The following C4orf36 variants were observed in gnomAD, a reference collection of about 807,000 sequenced individuals.
The protein encoded by C4orf36 is uncharacterized protein C4orf36.
In C4orf36, 11 loss-of-function variants were observed where a neutral mutation model predicts 12.2. That is an observed-to-expected ratio of 0.90 (90% confidence interval 0.57 to 1.49). The LOEUF (loss-of-function observed/expected upper bound fraction) is 1.49. Among genes scored for constraint, C4orf36 ranks in the 40% most tolerant of loss-of-function variants. The pLI is 0.00. For missense variants in C4orf36, 137 were observed against 133.9 expected (o/e 1.02, Z -0.11); for synonymous variants, 54 against 51.3 (o/e 1.05, Z -0.22).
At chr4:86,927,349 TTTTG>T in the C4orf36 span, among the ~76,000 whole-genome samples, 4 of 151,848 alleles carry the variant, frequency 2.6e-5, no homozygotes, top group Non-Finnish European at 5.9e-5. Flanking sequence ...GTGTTTTTGT[TTTTG>T]TTTTTGTTTT....
intron 1 of C4orf36, 136 bp from the exon 2 acceptor site, chr4:86,891,729 TTC>T (rs1747424928): frequency 1.2e-6 from 1 of 825,556 alleles, no homozygotes; most frequent in Non-Finnish European, 1.7e-6. Context: ...TAAAACCGTG[TTC>T]TCTTTCATTT....
Position 86,888,287 on chromosome 4 carries a change from A to T in C4orf36, c.66-12T>A. 9.9e-6 allele frequency: 16 copies of T among 1,611,616 alleles called. No homozygotes were observed. Among genetic ancestry groups the T allele is most frequent in the Non-Finnish European group, 1.4e-5 (16 of 1,178,414 alleles). On this transcript the variant is annotated splice_polypyrimidine_tract_variant and intron_variant, in intron 2 of 4. Coordinates refer to ENST00000295898, the MANE Select transcript of C4orf36 (RefSeq NM_144645.4). ...CCCAAGGTTCCTGTCTGGGGCAAAA[A>T]TTCATTAATCCATTCAATAAATATT...
intron 4 of C4orf36, among the ~76,000 whole-genome samples, chr4:86,876,892 C>G (rs1746940954): frequency 1.3e-5 from 2 of 152,208 alleles, no homozygotes; most frequent in African/African-American, 4.8e-5. Context: ...ACTATCTTAT[C>G]TAAATCTGAT....
intron 4 of C4orf36, among the ~76,000 whole-genome samples, chr4:86,876,861 A>G (rs900936373): frequency 6.6e-6 from 1 of 152,218 alleles, no homozygotes; most frequent in Admixed American, 6.5e-5. Context: ...ATCTACTAAA[A>G]CCTAGAGTTT....
chr4:86,891,591 T>A lies in C4orf36; in HGVS notation c.-71A>T. On this transcript the variant is annotated splice_region_variant and 5_prime_UTR_variant, in exon 2 of 5. Transcript: ENST00000295898. ...ATGTCACAGATAACTCTGTTCACTT[T>A]ACCTGAAATGATGGCAACGCACCTA... 6.2e-7 allele frequency: 1 copy of A among 1,606,978 alleles called. No individual in the cohort carries two copies. Among genetic ancestry groups the A allele is most frequent in the East Asian group, 2.2e-5 (1 of 44,738 alleles).
At chr4:86,904,963 C>T in the C4orf36 span, among the ~76,000 whole-genome samples, 567 of 152,150 alleles carry the variant, frequency 3.7e-3, 3 homozygotes, top group Middle Eastern at 0.01. Flanking sequence ...GGGGCGGTTG[C>T]GGTAACTCAC....
rs1257566199 is a variant in C4orf36 at position 86,891,564 on chromosome 4, G to C, written c.-44C>G. Reference sequence around the variant, plus strand: ...GATTTCGTTACATAGGTGCCTGATGGAATGTCACAGATAACTCTGTTCACT... The same window carrying C: ...GATTTCGTTACATAGGTGCCTGATGCAATGTCACAGATAACTCTGTTCACT... On this transcript the variant is annotated 5_prime_UTR_variant, in exon 2 of 5. Transcript: ENST00000295898. 1.9e-6 allele frequency: 3 copies of C among 1,613,674 alleles called. No homozygotes were observed. The highest frequency in any genetic ancestry group is 1.7e-5 in the Admixed American group (1 of 59,986).
chr4:86,904,370 G>A, the C4orf36 span, among the ~76,000 whole-genome samples: 3 of 152,220 alleles, frequency 2.0e-5, no homozygotes, highest in African/African-American at 7.2e-5. Context: ...GCGCAGCGGC[G>A]GGCTGAAGGG....
intron 1 of C4orf36, 100 bp from the exon 2 acceptor site, chr4:86,891,693 T>C (rs1043689422): frequency 7.9e-6 from 9 of 1,133,050 alleles, no homozygotes; most frequent in Non-Finnish European, 1.1e-5. Flanking sequence ...CCTTAATAAG[T>C]GTTCATTGAA....
the C4orf36 span, among the ~76,000 whole-genome samples, chr4:86,919,315 C>CTTTTTTTTTTT: frequency 9.8e-5 from 8 of 81,352 alleles, no homozygotes; most frequent in East Asian, 3.9e-4. Context: ...TTTTTTCCCC[C>CTTTTTTTTTTT]TTTTTTTTTT....
intron 4 of C4orf36, among the ~76,000 whole-genome samples, chr4:86,883,362 T>C (rs1747093540): frequency 6.6e-6 from 1 of 152,210 alleles, no homozygotes; most frequent in Admixed American, 6.5e-5. Flanking sequence ...AAGTAGTACA[T>C]ATATATTGTA....
At chr4:86,919,122 G>C in the C4orf36 span, among the ~76,000 whole-genome samples, 1 of 40,166 alleles carries the variant, frequency 2.5e-5, no homozygotes, top group Admixed American at 2.5e-4. Flanking sequence ...AGCTCCAGGA[G>C]AGAGAGAGAG....
At chr4:86,896,895 C>T (rs536171388), upstream of C4orf36, among the ~76,000 whole-genome samples, 32 of 152,312 alleles carry the variant, frequency 2.1e-4, no homozygotes, top group Admixed American at 1.7e-3. Flanking sequence ...GCCCATGAGT[C>T]TCCTATGAGC....
At chr4:86,882,879 C>CT (rs1747081363) in intron 4 of C4orf36, among the ~76,000 whole-genome samples, 1 of 152,176 alleles carries the variant, frequency 6.6e-6, no homozygotes, top group East Asian at 1.9e-4. Context: ...GATACACGCC[C>CT]TGGGAGGCCT....
chr4:86,903,595 G>C, the C4orf36 span, among the ~76,000 whole-genome samples: 4 of 152,330 alleles, frequency 2.6e-5, no homozygotes, highest in South Asian at 6.2e-4. Context: ...CAGGCCCAAA[G>C]AGAAAGCAGC....
upstream of C4orf36, among the ~76,000 whole-genome samples, chr4:86,893,839 G>C (rs996053023): frequency 6.6e-6 from 1 of 151,804 alleles, no homozygotes; most frequent in Non-Finnish European, 1.5e-5. Context: ...TGTGAGACCA[G>C]TGTACTACAG....
the C4orf36 span, among the ~76,000 whole-genome samples, chr4:86,927,007 T>C: frequency 1.3e-5 from 2 of 152,222 alleles, no homozygotes; most frequent in African/African-American, 2.4e-5. Flanking sequence ...CTTTGTGCTA[T>C]AATAGCAGAG....
At chr4:86,916,013 C>T in the C4orf36 span, among the ~76,000 whole-genome samples, 1 of 152,134 alleles carries the variant, frequency 6.6e-6, no homozygotes, top group Non-Finnish European at 1.5e-5. Context: ...GACTTCTGGC[C>T]TCCAGAACTA....
intron 4 of C4orf36, among the ~76,000 whole-genome samples, chr4:86,882,213 C>T (rs183231243): frequency 6.6e-6 from 1 of 152,314 alleles, no homozygotes; most frequent in Admixed American, 6.5e-5. Context: ...GGAAGCAGGA[C>T]TCTTCTCTCA....
Sources: allele counts gnomAD v4.1 joint callset (sites outside exome capture counted in the v4.1 genomes callset), GRCh38; gene constraint gnomAD v4.1.1; transcripts MANE v1.5; gene names NCBI Gene and HGNC (gene_info 2026-07-23, HGNC 2026-07-21).